ARHGAP17: variants seen among roughly 807,000 people sequenced by gnomAD.
ARHGAP17 encodes rho GTPase-activating protein 17.
A neutral mutation model predicts 99.5 loss-of-function variants in ARHGAP17; 57 were observed. The observed-to-expected ratio is 0.57, with a 90% CI of 0.46 to 0.71. The LOEUF (loss-of-function observed/expected upper bound fraction) is 0.71, where lower values mean the gene tolerates loss of function less well. Ranked by LOEUF, ARHGAP17 falls within the 30% of genes least tolerant of loss-of-function variation. The pLI is 0.00. For synonymous variants in ARHGAP17, 417 were observed against 429.6 expected (o/e 0.97, Z 0.36); for missense variants, 1,000 against 1,122.4 (o/e 0.89, Z 1.56).
intron 19 of ARHGAP17, among the ~76,000 whole-genome samples, chr16:24,929,404 T>C (rs1006980282): frequency 2.0e-5 from 3 of 152,184 alleles, no homozygotes; most frequent in Admixed American, 6.5e-5. Context: ...CTCCTCGAAT[T>C]TGAAGCACTG....
At chr16:24,959,800 T>C (rs896477585) in intron 8 of ARHGAP17, 48 bp from the exon 9 acceptor site, 2 of 1,608,272 alleles carry the variant, frequency 1.2e-6, no homozygotes, top group Non-Finnish European at 1.7e-6. Flanking sequence ...TAGCATCGGA[T>C]GGACACACAC....
At chr16:24,935,329 GAAT>G in intron 18 of ARHGAP17, 138 bp downstream of exon 18, 1 of 1,059,330 alleles carries the variant, frequency 9.4e-7, no homozygotes, top group South Asian at 1.7e-5. Context: ...CTTTTCTCTT[GAAT>G]GACTGAATTT....
chr16:24,993,929 T>C (rs904435948), intron 1 of ARHGAP17, among the ~76,000 whole-genome samples: 1 of 152,216 alleles, frequency 6.6e-6, no homozygotes, highest in Non-Finnish European at 1.5e-5. Context: ...AGGGAACATT[T>C]TGAAACCTTC....
intron 19 of ARHGAP17, among the ~76,000 whole-genome samples, chr16:24,926,950 T>A (rs1353325264): frequency 6.6e-6 from 1 of 152,094 alleles, no homozygotes; most frequent in African/African-American, 2.4e-5. Flanking sequence ...AGAAATCTGA[T>A]TAAAACTATT....
intron 16 of ARHGAP17, 144 bp downstream of exon 16, chr16:24,941,843 C>A: frequency 2.7e-6 from 3 of 1,106,896 alleles, no homozygotes; most frequent in Admixed American, 1.9e-5. Flanking sequence ...TGACCTACAG[C>A]AGAATTCCAG....
chr16:24,961,972 G>GTTTT (rs59272654), intron 7 of ARHGAP17, among the ~76,000 whole-genome samples: 9,467 of 136,520 alleles, frequency 0.069, 1,239 homozygotes, highest in African/African-American at 0.25. Context: ...GAGAGAGTTT[G>GTTTT]TTTTTTTTTT....
intron 1 of ARHGAP17, among the ~76,000 whole-genome samples, chr16:24,994,381 C>G (rs1307909729): frequency 1.3e-5 from 2 of 152,192 alleles, no homozygotes; most frequent in African/African-American, 4.8e-5. Flanking sequence ...CAACCACAGG[C>G]TGGTGTCATG....
At chr16:24,952,234 C>T (rs1201935080) in intron 12 of ARHGAP17, 55 bp downstream of exon 12, 1 of 1,349,816 alleles carries the variant, frequency 7.4e-7, no homozygotes, top group Non-Finnish European at 1.0e-6. Flanking sequence ...GCAAATAGGG[C>T]ACAATATCAC....
intron 12 of ARHGAP17, among the ~76,000 whole-genome samples, chr16:24,951,742 T>C (rs2051651149): frequency 6.6e-6 from 1 of 152,250 alleles, no homozygotes; most frequent in African/African-American, 2.4e-5. Flanking sequence ...ATACAGTATA[T>C]AATACATACA....
chr16:24,979,978 T>C (rs1486820446), intron 1 of ARHGAP17, among the ~76,000 whole-genome samples: 1 of 152,216 alleles, frequency 6.6e-6, no homozygotes, highest in Non-Finnish European at 1.5e-5. Flanking sequence ...CCCAAAGTGC[T>C]GGGATTACAT....
intron 17 of ARHGAP17, chr16:24,936,668 T>C (rs2051148532): frequency 6.6e-6 from 1 of 150,520 alleles, no homozygotes; most frequent in African/African-American, 2.5e-5. Context: ...ATCATGCCAC[T>C]GCACTCCAGC....
intron 1 of ARHGAP17, among the ~76,000 whole-genome samples, chr16:24,988,162 A>G (rs979515050): frequency 6.6e-6 from 1 of 152,178 alleles, no homozygotes; most frequent in Non-Finnish European, 1.5e-5. Flanking sequence ...TTACTGTTTT[A>G]TCTCATTAGA....
In ARHGAP17 at chr16:24,919,479, T is replaced by C. The variant is rs2050663795; in HGVS notation, c.*651A>G. 1 of 142,356 alleles carries C rather than the reference T, an allele frequency of 7.0e-6. No homozygotes were observed. The allele number at this position is 142,356 out of a possible 1,614,324, so 8.8% of individuals were successfully genotyped here. ...CTTATCAAGTAGCAATTACATTGTT[T>C]AAAAAAAAAAAAAAGAACAGTACAT... On this transcript the variant is annotated 3_prime_UTR_variant, in exon 20 of 20. Coordinates refer to ENST00000289968, the MANE Select transcript of ARHGAP17 (RefSeq NM_001006634.3).
At chr16:24,987,871 T>C (rs984862004) in intron 1 of ARHGAP17, among the ~76,000 whole-genome samples, 3 of 152,240 alleles carry the variant, frequency 2.0e-5, no homozygotes, top group African/African-American at 4.8e-5. Context: ...TGACGCATTT[T>C]TGAGAAATAA....
At chr16:24,949,351 T>C in intron 13 of ARHGAP17, 53 bp downstream of exon 13, 1 of 1,414,726 alleles carries the variant, frequency 7.1e-7, no homozygotes, top group Non-Finnish European at 9.8e-7. Flanking sequence ...ACTTCTCTGC[T>C]GGGCATTAAA....
At position 24,969,299 on chromosome 16, in the gene ARHGAP17, C is replaced by A. The variant is rs191634574; in HGVS notation, c.273-527G>T. ...ACGTGCAGTGATATAACTCCACAGT[C>A]TCTATCCCTCCCTCCTCCCTCTCTC... is the stretch of plus-strand genomic sequence containing the variant. On this transcript the variant is annotated intron_variant, in intron 4 of 19. Coordinates refer to ENST00000289968, the MANE Select transcript of ARHGAP17 (RefSeq NM_001006634.3). Among the ~76,000 whole-genome samples the A allele has an allele frequency of 3.2e-4, 40 of 126,278 alleles. 1 individual carries two copies. In the East Asian group the frequency reaches 7.6e-3, roughly 24 times the overall value. 82.8% of individuals were successfully genotyped at this position (126,278 alleles called of 152,430 possible).
intron 9 of ARHGAP17, among the ~76,000 whole-genome samples, chr16:24,958,036 T>C (rs904971824): frequency 6.6e-5 from 10 of 152,088 alleles, no homozygotes; most frequent in South Asian, 2.1e-4. Flanking sequence ...AGGGGTTGAA[T>C]TGCAACTCGG....
intron 16 of ARHGAP17, among the ~76,000 whole-genome samples, chr16:24,940,080 G>C (rs145404794): frequency 5.7e-4 from 86 of 151,656 alleles, no homozygotes; most frequent in African/African-American, 2.0e-3. Flanking sequence ...CACCATACTG[G>C]GATACTAAAA....
chr16:24,962,848 G>A (rs1236848220), intron 7 of ARHGAP17, among the ~76,000 whole-genome samples: 1 of 152,172 alleles, frequency 6.6e-6, no homozygotes, highest in Non-Finnish European at 1.5e-5. Context: ...GGAAAATATA[G>A]TCAATGAAAT....
Sources: allele counts gnomAD v4.1 joint callset (sites outside exome capture counted in the v4.1 genomes callset), GRCh38; gene constraint gnomAD v4.1.1; transcripts MANE v1.5; gene names NCBI Gene and HGNC (gene_info 2026-07-23, HGNC 2026-07-21).